The following GRIN2A variants were observed in gnomAD, a reference collection of about 807,000 sequenced individuals.
GRIN2A encodes glutamate receptor ionotropic, NMDA 2A.
GRIN2A carries 22 observed loss-of-function variants against 113.4 expected under a neutral mutation model. That is an observed-to-expected ratio of 0.19 (90% CI 0.14 to 0.28). GRIN2A has a LOEUF of 0.28. Ranked by LOEUF, GRIN2A falls within the 10% of genes least tolerant of loss-of-function variation. GRIN2A has a pLI of 1.00. For synonymous variants in GRIN2A, 827 were observed against 738.4 expected (o/e 1.12, Z -1.94); for missense variants, 1,502 against 1,887.0 (o/e 0.80, Z 3.78).
chr16:10,059,731 AAAAAAAC>A (rs906625315), intron 2 of GRIN2A, among the ~76,000 whole-genome samples: 118 of 152,104 alleles, frequency 7.8e-4, no homozygotes, highest in African/African-American at 2.6e-3. Flanking sequence ...AAAAAAAAAA[AAAAAAAC>A]AAACAAGATT....
intron 2 of GRIN2A, among the ~76,000 whole-genome samples, chr16:10,027,108 T>C (rs945320640): frequency 2.0e-5 from 3 of 152,166 alleles, no homozygotes; most frequent in Admixed American, 6.5e-5. Context: ...AGAAGACAGG[T>C]TTGTTGACTG....
intron 3 of GRIN2A, among the ~76,000 whole-genome samples, chr16:9,935,841 ACAGG>A (rs2141623093): frequency 6.6e-6 from 1 of 152,210 alleles, no homozygotes; most frequent in South Asian, 2.1e-4. Context: ...AGCTGGGATC[ACAGG>A]CATGCTCTAC....
intron 1 of GRIN2A, among the ~76,000 whole-genome samples, chr16:10,181,197 G>T (rs1361763682): frequency 1.3e-4 from 1 of 7,974 alleles, no homozygotes; most frequent in Non-Finnish European, 4.1e-4. Flanking sequence ...GCACACACAC[G>T]TGCACACACA....
intron 10 of GRIN2A, among the ~76,000 whole-genome samples, chr16:9,809,979 A>C (rs2042055320): frequency 6.6e-6 from 1 of 152,096 alleles, no homozygotes; most frequent in South Asian, 2.1e-4. Context: ...GAGGCAGGAG[A>C]ATCACTTGAT....
chr16:10,090,962 T>C (rs953968455), intron 2 of GRIN2A, among the ~76,000 whole-genome samples: 2 of 152,156 alleles, frequency 1.3e-5, no homozygotes, highest in African/African-American at 2.4e-5. Context: ...TTAGTCATTA[T>C]GGAAATGAAC....
At chr16:10,036,668 C>T (rs1416098454) in intron 2 of GRIN2A, among the ~76,000 whole-genome samples, 3 of 151,230 alleles carry the variant, frequency 2.0e-5, no homozygotes, top group Non-Finnish European at 4.4e-5. Flanking sequence ...GGATGGTCTC[C>T]ATCTCCTGAC....
At chr16:10,101,868 G>A (rs1378410863) in intron 2 of GRIN2A, among the ~76,000 whole-genome samples, 1 of 152,198 alleles carries the variant, frequency 6.6e-6, no homozygotes, top group Non-Finnish European at 1.5e-5. Flanking sequence ...ATTTTGGCAG[G>A]TTTGGGAAAA....
chr16:10,007,138 G>A (rs1486270852), intron 2 of GRIN2A, among the ~76,000 whole-genome samples: 1 of 152,090 alleles, frequency 6.6e-6, no homozygotes, highest in Non-Finnish European at 1.5e-5. Flanking sequence ...CCCTTCTTTG[G>A]GTATATAGTT....
At chr16:9,870,664 G>A (rs1311034259) in intron 4 of GRIN2A, among the ~76,000 whole-genome samples, 1 of 148,198 alleles carries the variant, frequency 6.7e-6, no homozygotes, top group Non-Finnish European at 1.5e-5. Flanking sequence ...TAGAGATGGA[G>A]TCTCGCTCTG....
At chr16:9,857,972 G>A (rs971959530) in intron 4 of GRIN2A, among the ~76,000 whole-genome samples, 13 of 152,300 alleles carry the variant, frequency 8.5e-5, no homozygotes, top group East Asian at 5.8e-4. Flanking sequence ...TTGCTTACCT[G>A]TCATTCATTT....
At chr16:9,839,639 T>C (rs2042639487) in intron 7 of GRIN2A, among the ~76,000 whole-genome samples, 1 of 152,200 alleles carries the variant, frequency 6.6e-6, no homozygotes, top group African/African-American at 2.4e-5. Flanking sequence ...GGAGGATGGA[T>C]ATGTAGATGC....
At chr16:9,948,077 G>A (rs1197777001) in intron 2 of GRIN2A, among the ~76,000 whole-genome samples, 1 of 152,140 alleles carries the variant, frequency 6.6e-6, no homozygotes, top group Non-Finnish European at 1.5e-5. Context: ...CTCTTATCGC[G>A]TGCCAAGCAC....
chr16:9,975,311 G>A (rs553651370), intron 2 of GRIN2A, among the ~76,000 whole-genome samples: 2 of 152,116 alleles, frequency 1.3e-5, no homozygotes, highest in Non-Finnish European at 2.9e-5. Flanking sequence ...CCTAAAAACG[G>A]AGAGATTATC....
At chr16:9,846,534 T>TA (rs917557997) in intron 5 of GRIN2A, among the ~76,000 whole-genome samples, 7 of 152,154 alleles carry the variant, frequency 4.6e-5, no homozygotes, top group African/African-American at 1.7e-4. Context: ...AACGAGGAAG[T>TA]AAAAATCTCT....
intron 11 of GRIN2A, among the ~76,000 whole-genome samples, chr16:9,780,994 C>CTTTTTTTT (rs5815547): frequency 6.9e-6 from 1 of 145,298 alleles, no homozygotes; most frequent in African/African-American, 2.5e-5. Context: ...GGTCACTAAT[C>CTTTTTTTT]TTTTTTTTTT....
chr16:10,000,823 A>G (rs139173898), intron 2 of GRIN2A, among the ~76,000 whole-genome samples: 9 of 152,176 alleles, frequency 5.9e-5, no homozygotes, highest in African/African-American at 1.9e-4. Flanking sequence ...GCAATACTGC[A>G]TATCTTCAGC....
chr16:9,850,050 C>T (rs1309612495), intron 4 of GRIN2A, 89 bp from the exon 5 acceptor site: 11 of 1,117,202 alleles, frequency 9.8e-6, no homozygotes, highest in Admixed American at 1.7e-5. Context: ...AGACATCCAT[C>T]CGTCTCAAGG....
chr16:9,922,840 T>C (rs2044382960), intron 3 of GRIN2A, among the ~76,000 whole-genome samples: 2 of 152,214 alleles, frequency 1.3e-5, no homozygotes, highest in Non-Finnish European at 2.9e-5. Flanking sequence ...AATTTCAAAG[T>C]GGTCACAGAA....
chr16:9,937,988 C>A lies in GRIN2A; in HGVS notation c.978G>T (p.Arg326Ser). 1 of 1,613,932 alleles carries A rather than the reference C, an allele frequency of 6.2e-7. No homozygotes were observed. The highest frequency in any genetic ancestry group is 8.5e-7 in the Non-Finnish European group (1 of 1,179,876). ...AKASCYGQME[R>S]PEVPMHTLHP... The stretch of plus-strand genomic sequence containing the variant: ...GCAAGGTGTGCATCGGGACCTCTGG[C>A]CTCTCCATCTGCCCGTAGCAGCTGG... Residue 326 changes from arginine (R) to serine (S), a missense_variant, in exon 3 of 13, where the codon AGG becomes AGT. By Grantham distance (110) the Arg-to-Ser change is moderately radical (BLOSUM62 -1). Around this residue, in one of 7 missense-constraint regions of GRIN2A, gnomAD observed 334 missense variants for 403.0 expected, o/e 0.83. Coordinates refer to ENST00000330684, the MANE Select transcript of GRIN2A (RefSeq NM_001134407.3).
Sources: allele counts gnomAD v4.1 joint callset (sites outside exome capture counted in the v4.1 genomes callset), GRCh38; gene constraint gnomAD v4.1.1; regional missense constraint gnomAD v4.1.1; transcripts MANE v1.5; gene names NCBI Gene and HGNC (gene_info 2026-07-23, HGNC 2026-07-21).